NELL2: variants seen among roughly 807,000 people sequenced by gnomAD.
NELL2 encodes protein kinase C-binding protein NELL2.
In NELL2, 41 loss-of-function variants were observed where a neutral mutation model predicts 109.6. The ratio of observed to expected loss-of-function variants is 0.37; its 90% confidence interval spans 0.29 to 0.49. The LOEUF is 0.49. Ranked by LOEUF, NELL2 falls within the 20% of genes least tolerant of loss-of-function variation. The pLI is 0.98. For missense variants in NELL2, 900 were observed against 1,008.3 expected, an observed-to-expected ratio of 0.89 and a Z score of 1.45; for synonymous variants, 355 against 344.7, an observed-to-expected ratio of 1.03 and a Z score of -0.33.
At chr12:44,861,851 T>C (rs967726981) in intron 2 of NELL2, among the ~76,000 whole-genome samples, 2 of 152,246 alleles carry the variant, frequency 1.3e-5, no homozygotes, top group Admixed American at 6.5e-5. Context: ...CTGGAATCTA[T>C]GAACTGGCTG....
chr12:44,781,780 C>T (rs1024465095), intron 3 of NELL2, among the ~76,000 whole-genome samples: 15 of 151,900 alleles, frequency 9.9e-5, no homozygotes, highest in Middle Eastern at 3.4e-3. Context: ...GAGCTGTACA[C>T]GTAGAATTGT....
At chr12:44,870,438 C>T (rs147132262) in intron 2 of NELL2, among the ~76,000 whole-genome samples, 8 of 152,170 alleles carry the variant, frequency 5.3e-5, no homozygotes, top group African/African-American at 1.7e-4. Context: ...AATTTGTATT[C>T]GTTTCCTATT....
Position 44,545,265 on chromosome 12 carries a change from G to C in NELL2, c.1664-12544C>G, listed in dbSNP as rs369753359. ...CTTTCACAACATAACCAATGTGTAAGATACAAGACTTACAAGAGTTTTATT... is the reference window on the plus strand; with the variant it reads ...CTTTCACAACATAACCAATGTGTAACATACAAGACTTACAAGAGTTTTATT... On this transcript the variant is annotated intron_variant, in intron 15 of 19. Transcript: ENST00000429094. Among the ~76,000 whole-genome samples the C allele has an allele frequency of 4.3e-4, 65 of 152,118 alleles. 2 individuals carry two copies. The South Asian group carries it at 0.013, about 31-fold the overall frequency.
chr12:44,816,221 T>TGA, intron 2 of NELL2, 85 bp from the exon 3 acceptor site: 1 of 1,152,034 alleles, frequency 8.7e-7, no homozygotes. Flanking sequence ...TCAAAAAACT[T>TGA]TATCAAGTTT....
intron 2 of NELL2, among the ~76,000 whole-genome samples, chr12:44,837,604 G>A (rs2408085): frequency 0.82 from 124,012 of 152,134 alleles, 51,002 homozygotes; most frequent in Middle Eastern, 0.94. Context: ...CATGCTTTCT[G>A]TATAATCTCA....
chr12:44,874,052 T>C (rs1355979198), intron 2 of NELL2, among the ~76,000 whole-genome samples: 1 of 152,186 alleles, frequency 6.6e-6, no homozygotes. Context: ...ATTTCCTCCT[T>C]TCCCAACTCT....
At chr12:44,587,284 A>AAAAAAT in intron 15 of NELL2, among the ~76,000 whole-genome samples, 975 of 71,898 alleles carry the variant, frequency 0.014, 36 homozygotes, top group Non-Finnish European at 0.02. Context: ...AAAAAAAAAA[A>AAAAAAT]ATATATATAT....
At chr12:44,648,882 C>T (rs1947197116) in intron 13 of NELL2, among the ~76,000 whole-genome samples, 1 of 146,676 alleles carries the variant, frequency 6.8e-6, no homozygotes, top group African/African-American at 2.5e-5. Context: ...ATTACAGGCG[C>T]ATGCCACCAC....
chr12:44,705,108 C>A (rs138209250), intron 11 of NELL2, among the ~76,000 whole-genome samples: 1 of 151,216 alleles, frequency 6.6e-6, no homozygotes, highest in Non-Finnish European at 1.5e-5. Context: ...CTTTTACTTG[C>A]GAAAATCATA....
intron 14 of NELL2, among the ~76,000 whole-genome samples, chr12:44,609,263 C>A (rs187036947): frequency 6.6e-6 from 1 of 151,818 alleles, no homozygotes. Context: ...ATAAGGTTTA[C>A]GTGAATACAA....
chr12:44,737,112 T>G (rs903600839), intron 9 of NELL2, among the ~76,000 whole-genome samples: 15 of 152,062 alleles, frequency 9.9e-5, no homozygotes, highest in Non-Finnish European at 1.5e-4. Flanking sequence ...TATGTAAAAA[T>G]TCAAAATAAA....
At chr12:44,731,758 G>GA (rs766581197) in intron 9 of NELL2, among the ~76,000 whole-genome samples, 3 of 151,800 alleles carry the variant, frequency 2.0e-5, no homozygotes, top group Non-Finnish European at 2.9e-5. Context: ...AATTGGGTAA[G>GA]AAAAATAAAT....
intron 9 of NELL2, among the ~76,000 whole-genome samples, chr12:44,738,127 C>T (rs576019801): frequency 4.7e-4 from 72 of 152,254 alleles, no homozygotes; most frequent in African/African-American, 1.5e-3. Flanking sequence ...ATCTCTAACA[C>T]GGCACTCAGC....
chr12:44,508,851 A>G lies in NELL2; in HGVS notation c.*83T>C. ...AGCTGCATTTAGCTGCCCACAAATC[A>G]CCCAATTTAAGTTTTAACTTCTTTT... On this transcript the variant is annotated 3_prime_UTR_variant, in exon 20 of 20. Transcript: ENST00000429094. 1 of 1,186,966 alleles carries G rather than the reference A, an allele frequency of 8.4e-7. No individual in the cohort carries two copies. The highest frequency in any genetic ancestry group is 1.2e-6 in the Non-Finnish European group (1 of 809,622). The allele number at this position is 1,186,966 out of a possible 1,614,324, so 73.5% of individuals were successfully genotyped here. A position where few individuals can be genotyped will look rare whatever the true frequency, so the allele number is the denominator to read the frequency against.
At chr12:44,613,178 A>G (rs1360214087) in intron 13 of NELL2, among the ~76,000 whole-genome samples, 1 of 152,028 alleles carries the variant, frequency 6.6e-6, no homozygotes, top group Non-Finnish European at 1.5e-5. Context: ...TCCCCCTCCT[A>G]CAGAGTTAGG....
At chr12:44,536,684 AAG>A (rs1038389633) in intron 15 of NELL2, among the ~76,000 whole-genome samples, 1 of 152,014 alleles carries the variant, frequency 6.6e-6, no homozygotes, top group Non-Finnish European at 1.5e-5. Context: ...ATAAAAAACT[AAG>A]AGTAAATTTC....
intron 1 of NELL2, among the ~76,000 whole-genome samples, chr12:44,894,409 T>C (rs1592708691): frequency 1.3e-5 from 2 of 152,332 alleles, no homozygotes; most frequent in African/African-American, 4.8e-5. Flanking sequence ...GCTCAGGATA[T>C]TTGTTTTAAA....
Position 44,680,039 on chromosome 12 carries a change from C to T in NELL2, c.1319-14430G>A, listed in dbSNP as rs574512594. On this transcript the variant is annotated intron_variant, in intron 12 of 19. Transcript: ENST00000429094. ...TTTGAAAATTCATCAAGTTGAATAG[C>T]AGCATTCTTTCCAAGAAGGTGGATT... Among the ~76,000 whole-genome samples, 16 of 152,200 alleles carry T rather than the reference C, an allele frequency of 1.1e-4. No homozygotes were observed. The South Asian group carries it at 3.3e-3, about 32-fold the overall frequency.
chr12:44,643,334 T>C (rs1449996140), intron 13 of NELL2, among the ~76,000 whole-genome samples: 1 of 152,190 alleles, frequency 6.6e-6, no homozygotes, highest in Non-Finnish European at 1.5e-5. Context: ...TGTTGTGAAA[T>C]ATTGATATGA....
Sources: allele counts gnomAD v4.1 joint callset (sites outside exome capture counted in the v4.1 genomes callset), GRCh38; gene constraint gnomAD v4.1.1; transcripts MANE v1.5; gene names NCBI Gene and HGNC (gene_info 2026-07-23, HGNC 2026-07-21).